FHIT: variants seen among roughly 807,000 people sequenced by gnomAD.
FHIT encodes the protein fragile histidine triad diadenosine triphosphatase.
FHIT carries 19 observed loss-of-function variants against 17.9 expected under a neutral mutation model. The ratio of observed to expected loss-of-function variants is 1.06; its 90% CI spans 0.74 to 1.56. The LOEUF (loss-of-function observed/expected upper bound fraction) is 1.56, where lower values mean the gene tolerates loss of function less well. Among genes scored for constraint, FHIT ranks in the 40% most tolerant of loss-of-function variants. The pLI is 0.00. For missense variants in FHIT, 248 were observed against 189.2 expected (o/e 1.31, Z -1.82); for synonymous variants, 81 against 69.7 (o/e 1.16, Z -0.81).
intron 7 of FHIT, among the ~76,000 whole-genome samples, chr3:59,981,654 C>T (rs571102262): frequency 1.2e-4 from 19 of 152,244 alleles, no homozygotes; most frequent in East Asian, 1.9e-4. Flanking sequence ...CGCACATTAA[C>T]GCAGAGAGAT....
intron 8 of FHIT, among the ~76,000 whole-genome samples, chr3:59,892,234 C>T (rs1176301951): frequency 6.6e-6 from 1 of 152,182 alleles, no homozygotes; most frequent in African/African-American, 2.4e-5. Flanking sequence ...CACAACAAAG[C>T]GAGCTTTGAA....
At chr3:60,867,972 G>A (rs959125080) in intron 3 of FHIT, among the ~76,000 whole-genome samples, 6 of 152,194 alleles carry the variant, frequency 3.9e-5, no homozygotes, top group Non-Finnish European at 1.5e-5. Flanking sequence ...GCAGAGCACA[G>A]TAGAGGTAGC....
chr3:60,787,589 T>C (rs1026052589), intron 4 of FHIT, among the ~76,000 whole-genome samples: 2 of 152,246 alleles, frequency 1.3e-5, no homozygotes, highest in Non-Finnish European at 2.9e-5. Flanking sequence ...ATGCCTTGCA[T>C]GAAACAGGTA....
intron 5 of FHIT, among the ~76,000 whole-genome samples, chr3:60,333,760 G>C (rs375831515): frequency 1.3e-5 from 2 of 152,228 alleles, no homozygotes; most frequent in East Asian, 3.9e-4. Context: ...AGAAAGTTAT[G>C]TTTGTCTTTT....
intron 8 of FHIT, among the ~76,000 whole-genome samples, chr3:59,871,162 T>G (rs1702905212): frequency 6.6e-6 from 1 of 152,170 alleles, no homozygotes; most frequent in East Asian, 1.9e-4. Context: ...CTCCATAATT[T>G]TTTGATACAG....
At chr3:60,263,053 C>T (rs1206083349) in intron 5 of FHIT, among the ~76,000 whole-genome samples, 1 of 151,702 alleles carries the variant, frequency 6.6e-6, no homozygotes, top group Non-Finnish European at 1.5e-5. Flanking sequence ...GAGCAAAGTA[C>T]CCAAAATGAC....
chr3:61,096,537 G>A (rs548187360), intron 2 of FHIT, among the ~76,000 whole-genome samples: 5 of 152,268 alleles, frequency 3.3e-5, no homozygotes, highest in African/African-American at 9.6e-5. Context: ...ATGGATCTAG[G>A]GCAGTGTTTT....
At chr3:60,914,429 G>A (rs1706899901) in intron 3 of FHIT, among the ~76,000 whole-genome samples, 1 of 151,910 alleles carries the variant, frequency 6.6e-6, no homozygotes, top group Non-Finnish European at 1.5e-5. Flanking sequence ...GTGTTCAGAA[G>A]AGAGAATGGA....
intron 5 of FHIT, among the ~76,000 whole-genome samples, chr3:60,030,130 G>A (rs1413364008): frequency 6.6e-6 from 1 of 151,874 alleles, no homozygotes; most frequent in Non-Finnish European, 1.5e-5. Context: ...CATTAAACCT[G>A]GCTGTTAGCA....
chr3:60,076,987 G>A (rs1201987367), intron 5 of FHIT, among the ~76,000 whole-genome samples: 1 of 152,028 alleles, frequency 6.6e-6, no homozygotes, highest in Admixed American at 6.6e-5. Flanking sequence ...AGGAGAGTTG[G>A]ACTGTATTTA....
At chr3:60,945,326 T>C (rs1158686084) in intron 3 of FHIT, among the ~76,000 whole-genome samples, 1 of 152,010 alleles carries the variant, frequency 6.6e-6, no homozygotes, top group African/African-American at 2.4e-5. Flanking sequence ...GAGGGCTGAA[T>C]CTTGAAGAGC....
chr3:60,585,729 T>A (rs782319017), intron 4 of FHIT, among the ~76,000 whole-genome samples: 65 of 152,132 alleles, frequency 4.3e-4, no homozygotes, highest in Non-Finnish European at 7.5e-4. Flanking sequence ...CTTGATCTGT[T>A]CATAAGTCAT....
rs1468372421 is a variant in FHIT, at chr3:59,791,158, T to C, written c.349-38837A>G. 4.6e-5 allele frequency among the ~76,000 whole-genome samples: 7 copies of C among 152,284 alleles called. No individual in the cohort carries two copies. The East Asian group carries it at 1.3e-3, about 29-fold the overall frequency. ...CCTGTTCCTCAGGCTTTGGATGGGG[T>C]TGACTCCATTTCTAACTGGCCTTGG... On this transcript the variant is annotated intron_variant, in intron 8 of 9. Transcript: ENST00000492590.
chr3:61,248,020 C>G (rs1464336915), intron 1 of FHIT, among the ~76,000 whole-genome samples: 1 of 152,218 alleles, frequency 6.6e-6, no homozygotes. Context: ...AGATCACTTT[C>G]TCATCTGAGA....
intron 5 of FHIT, among the ~76,000 whole-genome samples, chr3:60,130,794 T>TAC (rs1474101655): frequency 2.0e-5 from 2 of 99,110 alleles, no homozygotes; most frequent in African/African-American, 3.0e-5. Flanking sequence ...GGTGTGTATA[T>TAC]ACACACATAT....
chr3:60,903,838 G>A (rs895746130), intron 3 of FHIT, among the ~76,000 whole-genome samples: 6 of 152,166 alleles, frequency 3.9e-5, no homozygotes, highest in Non-Finnish European at 7.4e-5. Context: ...GAGGAAGTCA[G>A]GTTTTTCTAG....
At chr3:60,589,940 C>T (rs144752019) in intron 4 of FHIT, among the ~76,000 whole-genome samples, 17 of 152,062 alleles carry the variant, frequency 1.1e-4, no homozygotes, top group African/African-American at 4.1e-4. Context: ...GTGGCCTTGA[C>T]CCTCTTCAAC....
At chr3:61,156,636 A>C (rs1014937190) in intron 2 of FHIT, among the ~76,000 whole-genome samples, 1 of 152,194 alleles carries the variant, frequency 6.6e-6, no homozygotes, top group African/African-American at 2.4e-5. Flanking sequence ...TTAAGAGGTA[A>C]AGTTTATATA....
chr3:60,709,668 A>G (rs1450375641), intron 4 of FHIT, among the ~76,000 whole-genome samples: 3 of 152,204 alleles, frequency 2.0e-5, no homozygotes, highest in Non-Finnish European at 4.4e-5. Context: ...GCATGATATA[A>G]AAAAGAATTA....
Sources: gnomAD v4.1 joint callset for allele counts (sites outside exome capture counted in the v4.1 genomes callset) on GRCh38, gnomAD v4.1.1 for gene constraint, MANE v1.5 for transcripts, NCBI Gene and HGNC (gene_info 2026-07-23, HGNC 2026-07-21) for gene names.